AQP7B: variants seen among roughly 807,000 people sequenced by gnomAD.
AQP7B encodes aquaporin 7B.
At chr2:94,594,847 G>A in the AQP7B span, 46 of 1,554,810 alleles carry the variant, frequency 3.0e-5, no homozygotes, top group Non-Finnish European at 3.9e-5. Context: ...GTTCTTGGCC[G>A]AGTTCATGAG....
the AQP7B span, chr2:94,604,003 T>G: frequency 1.1e-6 from 1 of 895,232 alleles, no homozygotes; most frequent in South Asian, 1.6e-5. Flanking sequence ...TGGGGGGTGA[T>G]GTGAGGGGCA....
At chr2:94,603,452 C>T in the AQP7B span, 2 of 1,611,872 alleles carry the variant, frequency 1.2e-6, no homozygotes, top group Non-Finnish European at 1.7e-6. Context: ...GGCATTTTTG[C>T]CACCTACCTT....
At chr2:94,596,101 G>T in the AQP7B span, among the ~76,000 whole-genome samples, 1 of 152,248 alleles carries the variant, frequency 6.6e-6, no homozygotes, top group African/African-American at 2.4e-5. Context: ...GGTTCCACCA[G>T]GAAGAAGCCG....
the AQP7B span, among the ~76,000 whole-genome samples, chr2:94,596,667 C>T: frequency 1.5e-4 from 23 of 152,242 alleles, no homozygotes; most frequent in South Asian, 4.6e-3. Flanking sequence ...TCTAGCTGTG[C>T]GACTATCCAC....
chr2:94,601,309 G>T, the AQP7B span, among the ~76,000 whole-genome samples: 1 of 152,194 alleles, frequency 6.6e-6, no homozygotes, highest in Non-Finnish European at 1.5e-5. Flanking sequence ...ACGGGGATGG[G>T]GAACATAGAG....
the AQP7B span, among the ~76,000 whole-genome samples, chr2:94,588,280 G>T: frequency 6.6e-6 from 1 of 152,040 alleles, no homozygotes; most frequent in Admixed American, 6.6e-5. Context: ...TCTGGCCTGG[G>T]GTTGGGGTCC....
At chr2:94,604,223 A>G in the AQP7B span, 3 of 1,471,822 alleles carry the variant, frequency 2.0e-6, no homozygotes, top group Non-Finnish European at 2.7e-6. Context: ...GTCTTCGCCC[A>G]AGGTGGATGA....
At chr2:94,599,455 T>A in the AQP7B span, among the ~76,000 whole-genome samples, 359 of 152,176 alleles carry the variant, frequency 2.4e-3, no homozygotes, top group African/African-American at 3.8e-3. Flanking sequence ...TTTTTTTTTT[T>A]AAATCAGCAA....
At chr2:94,603,205 G>T in the AQP7B span, 19 of 1,450,818 alleles carry the variant, frequency 1.3e-5, no homozygotes, top group Middle Eastern at 2.0e-4. Flanking sequence ...TCCACCTCTG[G>T]CCTCAGCCGC....
the AQP7B span, among the ~76,000 whole-genome samples, chr2:94,597,370 T>A: frequency 6.6e-6 from 1 of 152,168 alleles, no homozygotes; most frequent in Non-Finnish European, 1.5e-5. Flanking sequence ...CCCACATCTG[T>A]GTTTCTCTTC....
At chr2:94,603,131 G>A in the AQP7B span, 1 of 1,552,656 alleles carries the variant, frequency 6.4e-7, no homozygotes, top group Admixed American at 1.9e-5. Flanking sequence ...GGCAGTTCCT[G>A]GGCTCCTTCC....
At chr2:94,594,552 C>G in the AQP7B span, among the ~76,000 whole-genome samples, 1 of 152,206 alleles carries the variant, frequency 6.6e-6, no homozygotes, top group East Asian at 1.9e-4. Context: ...GCCATCTACC[C>G]CAGTTCCTCT....
chr2:94,604,516 A>G, the AQP7B span: 44 of 1,610,188 alleles, frequency 2.7e-5, no homozygotes, highest in Admixed American at 7.3e-4. Flanking sequence ...TTGCCAACAG[A>G]TCTTCAGTCC....
At chr2:94,602,519 A>T in the AQP7B span, 1 of 1,605,032 alleles carries the variant, frequency 6.2e-7, no homozygotes, top group Non-Finnish European at 8.5e-7. Flanking sequence ...TGTGGCCCAT[A>T]TGGTTCTAAA....
the AQP7B span, among the ~76,000 whole-genome samples, chr2:94,597,666 G>A: frequency 6.8e-6 from 1 of 147,608 alleles, no homozygotes; most frequent in South Asian, 2.2e-4. Context: ...TCGCAGTGGT[G>A]CAATCTCGGC....
At chr2:94,602,430 G>C in the AQP7B span, 1 of 1,523,886 alleles carries the variant, frequency 6.6e-7, no homozygotes, top group Non-Finnish European at 8.9e-7. Context: ...ACTGAGCTCT[G>C]AGCCCTCCTC....
the AQP7B span, chr2:94,604,433 G>A: frequency 1.4e-5 from 22 of 1,611,382 alleles, no homozygotes; most frequent in East Asian, 2.2e-5. Flanking sequence ...TGAAGACCAC[G>A]GGATAACCGT....
chr2:94,593,546 C>T, the AQP7B span, among the ~76,000 whole-genome samples: 1 of 143,218 alleles, frequency 7.0e-6, no homozygotes, highest in Non-Finnish European at 1.5e-5. Context: ...AGTGCAGTGG[C>T]AAGATCTCGG....
chr2:94,603,076 C>T, the AQP7B span: 6 of 1,592,782 alleles, frequency 3.8e-6, no homozygotes, highest in African/African-American at 4.0e-5. Context: ...ACTAACTGTG[C>T]GCTGGGCCGC....
Sources: allele counts gnomAD v4.1 joint callset (sites outside exome capture counted in the v4.1 genomes callset), GRCh38; gene constraint gnomAD v4.1.1; transcripts MANE v1.5; gene names NCBI Gene and HGNC (gene_info 2026-07-23, HGNC 2026-07-21).